Variants in NPAS3 observed in about 807,000 individuals in gnomAD.
NPAS3 encodes neuronal PAS domain-containing protein 3.
In NPAS3, 14 loss-of-function variants were observed where a neutral mutation model predicts 73.1. That is an observed-to-expected ratio of 0.19 (90% CI 0.13 to 0.30). The LOEUF is 0.30. Ranked by LOEUF, NPAS3 falls within the 10% of genes least tolerant of loss-of-function variation. The pLI is 1.00. For missense variants in NPAS3, 1,096 were observed against 1,250.0 expected (o/e 0.88, Z 1.86); for synonymous variants, 620 against 541.5 (o/e 1.14, Z -2.01).
chr14:33,093,114 C>G (rs113443544), intron 2 of NPAS3, among the ~76,000 whole-genome samples: 20 of 152,252 alleles, frequency 1.3e-4, no homozygotes, highest in African/African-American at 4.6e-4. Context: ...CCAAAATTGA[C>G]AAATGGGATC....
chr14:33,726,573 CA>C (rs2061272230), intron 6 of NPAS3, among the ~76,000 whole-genome samples: 1 of 152,094 alleles, frequency 6.6e-6, no homozygotes, highest in African/African-American at 2.4e-5. Flanking sequence ...ACCACCCAAC[CA>C]AAATGTGGCT....
intron 4 of NPAS3, among the ~76,000 whole-genome samples, chr14:33,414,359 GTATTAA>G (rs1171939035): frequency 2.0e-5 from 3 of 151,952 alleles, no homozygotes; most frequent in African/African-American, 7.3e-5. Context: ...TCTTATTTTA[GTATTAA>G]GATTAAGTCA....
rs756041180 is a variant in NPAS3, at chr14:33,800,443, C to G, written c.2136C>G (p.Pro712=). ...GCGGGGGGCTGCACGTGGCCATTCC[C>G]GACTCGGTCCTCACCCCGCCCGGCG... Residue 712 remains proline (P), a synonymous_variant, in exon 12 of 12, where the codon CCC becomes CCG. Coordinates refer to ENST00000356141, the Ensembl canonical transcript of NPAS3. This position sits in a 1 kb window ranked among gnomAD's most constrained non-coding sequence, Gnocchi z 6.5. The G allele has an allele frequency of 1.3e-6, 2 of 1,569,046 alleles. No individual in the cohort carries two copies. Among genetic ancestry groups the G allele is most frequent in the Admixed American group, 1.9e-5 (1 of 53,358 alleles).
chr14:33,003,111 C>T (rs1566453775), intron 1 of NPAS3, among the ~76,000 whole-genome samples: 1 of 150,790 alleles, frequency 6.6e-6, no homozygotes, highest in African/African-American at 2.4e-5. Flanking sequence ...CATTTCCTTA[C>T]CTTTCTTGCT....
chr14:33,042,396 G>GA (rs1566495943), intron 1 of NPAS3, among the ~76,000 whole-genome samples: 1 of 152,132 alleles, frequency 6.6e-6, no homozygotes, highest in African/African-American at 2.4e-5. Flanking sequence ...TGGGAAAGAC[G>GA]AATATGTTCA....
At chr14:32,989,344 GAAGTTATTAA>G (rs2038219410) in intron 1 of NPAS3, among the ~76,000 whole-genome samples, 1 of 152,178 alleles carries the variant, frequency 6.6e-6, no homozygotes, top group Non-Finnish European at 1.5e-5. Context: ...TATATTTTGA[GAAGTTATTAA>G]AAGTTTGTGG....
At chr14:33,275,557 T>A (rs1299348753) in intron 3 of NPAS3, among the ~76,000 whole-genome samples, 1 of 152,206 alleles carries the variant, frequency 6.6e-6, no homozygotes, top group Non-Finnish European at 1.5e-5. Flanking sequence ...CATGCATAGA[T>A]CTAAATCAGG....
intron 4 of NPAS3, among the ~76,000 whole-genome samples, chr14:33,414,262 G>C (rs1226772345): frequency 6.6e-6 from 1 of 152,092 alleles, no homozygotes; most frequent in East Asian, 1.9e-4. Flanking sequence ...CCCCCACTGT[G>C]AGTCAGCAAA....
At chr14:33,520,617 A>G (rs1282719611) in intron 4 of NPAS3, among the ~76,000 whole-genome samples, 4 of 152,168 alleles carry the variant, frequency 2.6e-5, no homozygotes, top group East Asian at 1.9e-4. Flanking sequence ...TCAAATTTCA[A>G]TTATGACAAC....
intron 3 of NPAS3, among the ~76,000 whole-genome samples, chr14:33,274,716 G>T (rs184874903): frequency 2.0e-4 from 31 of 152,246 alleles, no homozygotes; most frequent in East Asian, 1.7e-3. Flanking sequence ...CTGAGGGAAG[G>T]TTCTCCCAGC....
intron 7 of NPAS3, among the ~76,000 whole-genome samples, chr14:33,767,661 T>TA (rs1233129650): frequency 2.0e-5 from 3 of 151,700 alleles, no homozygotes; most frequent in African/African-American, 7.3e-5. Context: ...AGCCCTATTC[T>TA]ATACTTTACA....
At chr14:33,757,231 G>A (rs766007402) in intron 7 of NPAS3, among the ~76,000 whole-genome samples, 2 of 152,138 alleles carry the variant, frequency 1.3e-5, no homozygotes, top group Non-Finnish European at 2.9e-5. Context: ...ATCAATCAAG[G>A]CTCTTGAGTG....
intron 5 of NPAS3, chr14:33,583,314 G>A (rs1313329688): frequency 2.0e-5 from 3 of 152,202 alleles, no homozygotes; most frequent in African/African-American, 7.2e-5. Flanking sequence ...CACCTACAGT[G>A]TATCTGGTAC....
At chr14:33,178,029 C>T (rs10083355) in intron 2 of NPAS3, among the ~76,000 whole-genome samples, 5,593 of 151,306 alleles carry the variant, frequency 0.037, 344 homozygotes, top group African/African-American at 0.13. Flanking sequence ...TTTCATTTCT[C>T]CAAGAGAAGG....
intron 6 of NPAS3, among the ~76,000 whole-genome samples, chr14:33,714,370 G>A (rs1400158840): frequency 6.6e-6 from 1 of 152,050 alleles, no homozygotes; most frequent in African/African-American, 2.4e-5. Context: ...AACGGTGACT[G>A]GAACCAGTAG....
At chr14:33,085,680 C>T (rs987505416) in intron 2 of NPAS3, among the ~76,000 whole-genome samples, 2 of 152,062 alleles carry the variant, frequency 1.3e-5, no homozygotes, top group African/African-American at 4.8e-5. Context: ...ACTAAGCATG[C>T]CGTTTTTCTT....
At chr14:33,524,252 C>T (rs957860479) in intron 4 of NPAS3, among the ~76,000 whole-genome samples, 1 of 152,106 alleles carries the variant, frequency 6.6e-6, no homozygotes, top group Non-Finnish European at 1.5e-5. Flanking sequence ...GTCTTAACTG[C>T]ATATGTATTT....
intron 1 of NPAS3, among the ~76,000 whole-genome samples, chr14:32,977,283 A>G (rs1469265061): frequency 3.4e-5 from 5 of 146,530 alleles, no homozygotes; most frequent in Non-Finnish European, 6.0e-5. Context: ...ATGTCTTTTT[A>G]TCTAGGTTCT....
intron 4 of NPAS3, among the ~76,000 whole-genome samples, chr14:33,462,892 G>A (rs1008216730): frequency 1.6e-4 from 24 of 152,222 alleles, no homozygotes; most frequent in African/African-American, 4.6e-4. Context: ...ATAAAAGGGT[G>A]AGGATAAAAT....
Sources: gnomAD v4.1 joint callset for allele counts (sites outside exome capture counted in the v4.1 genomes callset) on GRCh38, gnomAD v4.1.1 for gene constraint, Gnocchi (gnomAD v3.1) non-coding constraint, MANE v1.5 for transcripts, NCBI Gene and HGNC (gene_info 2026-07-23, HGNC 2026-07-21) for gene names.